Variants in POLQ observed in about 807,000 individuals in gnomAD.
POLQ encodes DNA polymerase theta.
Under a neutral mutation model 259.2 loss-of-function variants are expected in POLQ, and 233 were observed. The observed-to-expected ratio is 0.90, with a 90% CI of 0.81 to 1.00. The LOEUF (loss-of-function observed/expected upper bound fraction) is 1.00, where lower values mean the gene tolerates loss of function less well. POLQ is among the 50% of genes least tolerant of loss of function. The probability of loss-of-function intolerance (pLI) is 0.00; values close to 1 mark genes in which losing one functional copy is unlikely to be tolerated. For synonymous variants in POLQ, 1,025 were observed against 1,048.8 expected (o/e 0.98, Z 0.44); for missense variants, 2,871 against 3,051.6 (o/e 0.94, Z 1.39).
At chr3:121,472,886 A>G (rs571907999) in intron 21 of POLQ, among the ~76,000 whole-genome samples, 2 of 152,320 alleles carry the variant, frequency 1.3e-5, no homozygotes, top group South Asian at 2.1e-4. Context: ...TACAGTTTCC[A>G]TGGATTATGA....
rs1467887860 is a variant in POLQ, at chr3:121,483,539, C to T, written c.5817G>A (p.Leu1939=). 1.3e-6 allele frequency: 2 copies of T among 1,581,642 alleles called. No individual in the cohort carries two copies. Among genetic ancestry groups the T allele is most frequent in the Non-Finnish European group, 1.7e-6 (2 of 1,168,056 alleles). Residue 1939 remains leucine, a synonymous_variant, in exon 18 of 30, where the codon CTG becomes CTA. Transcript: ENST00000264233. ...GGTACCACATCCTGTCTTTCAAAGT[C>T]AGGCTTGGATCTAAAGAAGGTGGAA... The part of the protein sequence containing the change: ...SLVPPSLDPS[L]TLKDRMWYLQ...
chr3:121,496,341 A>T (rs2048124280), intron 14 of POLQ, among the ~76,000 whole-genome samples: 1 of 151,816 alleles, frequency 6.6e-6, no homozygotes, highest in African/African-American at 2.4e-5. Flanking sequence ...ACACCTGGCT[A>T]ATTTTTTGTA....
intron 24 of POLQ, among the ~76,000 whole-genome samples, chr3:121,466,065 C>T (rs996694939): frequency 2.6e-5 from 4 of 152,096 alleles, no homozygotes; most frequent in Non-Finnish European, 1.5e-5. Context: ...AGTGTTACTA[C>T]GCTGAACACA....
intron 19 of POLQ, among the ~76,000 whole-genome samples, chr3:121,477,442 T>C (rs2108792591): frequency 6.6e-6 from 1 of 152,302 alleles, no homozygotes; most frequent in South Asian, 2.1e-4. Flanking sequence ...AGATATCTCA[T>C]TATATATATG....
At chr3:121,516,997 G>A (rs887615337) in intron 9 of POLQ, among the ~76,000 whole-genome samples, 1 of 152,092 alleles carries the variant, frequency 6.6e-6, no homozygotes, top group Non-Finnish European at 1.5e-5. Flanking sequence ...ATTAGCCCAG[G>A]GCACTAACCT....
At chr3:121,440,167 C>G (rs1170235630) in intron 26 of POLQ, 51 bp from the exon 27 acceptor site, 1 of 1,442,210 alleles carries the variant, frequency 6.9e-7, no homozygotes, top group Non-Finnish European at 9.7e-7. Flanking sequence ...CTATCCTTCA[C>G]TTCATTCACT....
rs189468665 is a variant in POLQ at position 121,432,266 on chromosome 3, G to A, written c.*38C>T. The A allele has an allele frequency of 3.0e-4, 464 of 1,560,862 alleles. 1 individual carries two copies. The African/African-American group carries it at 6.1e-3, about 20-fold the overall frequency. On this transcript the variant is annotated 3_prime_UTR_variant, in exon 30 of 30. Coordinates refer to ENST00000264233, the MANE Select transcript of POLQ (RefSeq NM_199420.4). ...CTGTTCTTTCCAGGTGACTGCATCT[G>A]CACAGGCTTCCCTGGGAGGACTTCA...
intron 25 of POLQ, among the ~76,000 whole-genome samples, chr3:121,451,300 T>G (rs950981437): frequency 1.3e-5 from 2 of 152,246 alleles, no homozygotes; most frequent in Admixed American, 6.5e-5. Context: ...TCAAAGTTAT[T>G]CTCCGTCCAG....
chr3:121,465,865 G>A (rs1207404760), intron 24 of POLQ, among the ~76,000 whole-genome samples: 1 of 152,106 alleles, frequency 6.6e-6, no homozygotes, highest in Non-Finnish European at 1.5e-5. Flanking sequence ...ACCCTACAAT[G>A]GCAATGGCCT....
rs527974666 is a variant in POLQ, at chr3:121,465,090, CTTTTTTT to C, written c.6967+2422_6967+2428del. The stretch of plus-strand genomic sequence containing the variant: ...ACTGGAAATGTTTTTTTTCTTTTTT[CTTTTTTT>C]TTTTTTTGACATAGGGTCTTGCTTT... On this transcript the variant is annotated intron_variant, in intron 24 of 29. Coordinates refer to ENST00000264233, the MANE Select transcript of POLQ (RefSeq NM_199420.4). Among the ~76,000 whole-genome samples the C allele has an allele frequency of 9.9e-3, 1,400 of 141,074 alleles. 24 individuals are homozygous for C. Among genetic ancestry groups the C allele is most frequent in the African/African-American group, 0.034 (1,297 of 38,550 alleles). 92.6% of individuals were successfully genotyped at this position (141,074 alleles called of 152,430 possible). A position where few individuals can be genotyped will look rare whatever the true frequency, so the allele number is the denominator to read the frequency against.
intron 6 of POLQ, among the ~76,000 whole-genome samples, chr3:121,532,021 C>T (rs1309332849): frequency 6.6e-6 from 1 of 152,202 alleles, no homozygotes; most frequent in African/African-American, 2.4e-5. Flanking sequence ...CACCAATGTA[C>T]ATGAGTCAGT....
At position 121,507,916 on chromosome 3, in the gene POLQ, C is replaced by T. The variant is rs138000344; in HGVS notation, c.1959+1645G>A. Among the ~76,000 whole-genome samples the T allele has an allele frequency of 9.0e-3, 1,369 of 151,824 alleles. 19 individuals carry two copies. Among genetic ancestry groups the T allele is most frequent in the African/African-American group, 0.031 (1,295 of 41,374 alleles). Reference sequence around the variant, plus strand: ...TCACCAAGGCTGGAGCATGGTGGCACGATCATAGCTCACTATAACCTAGAA... The same window carrying T: ...TCACCAAGGCTGGAGCATGGTGGCATGATCATAGCTCACTATAACCTAGAA... On this transcript the variant is annotated intron_variant, in intron 12 of 29. Coordinates refer to ENST00000264233, the MANE Select transcript of POLQ (RefSeq NM_199420.4).
intron 19 of POLQ, among the ~76,000 whole-genome samples, chr3:121,481,265 C>T (rs1049421119): frequency 2.0e-5 from 3 of 152,220 alleles, no homozygotes; most frequent in African/African-American, 7.2e-5. Context: ...GGCCAGAAGT[C>T]AGCAAATTAT....
At chr3:121,498,172 T>C (rs1489008959) in intron 13 of POLQ, among the ~76,000 whole-genome samples, 2 of 151,922 alleles carry the variant, frequency 1.3e-5, no homozygotes, top group Non-Finnish European at 2.9e-5. Flanking sequence ...GAGCCAGGCA[T>C]GGTGGCACAT....
At chr3:121,455,471 T>C (rs531873346) in intron 25 of POLQ, among the ~76,000 whole-genome samples, 1,530 of 149,778 alleles carry the variant, frequency 0.01, 8 homozygotes, top group Non-Finnish European at 0.017. Context: ...ATCAACAAAA[T>C]TGATAGACTG....
intron 2 of POLQ, among the ~76,000 whole-genome samples, chr3:121,543,853 G>T (rs2048507987): frequency 1.3e-5 from 2 of 151,800 alleles, no homozygotes; most frequent in African/African-American, 4.8e-5. Flanking sequence ...CATGGCAGCG[G>T]GCATCTGTAA....
chr3:121,493,980 T>C, intron 14 of POLQ: 1 of 599,896 alleles, frequency 1.7e-6, no homozygotes, highest in Non-Finnish European at 2.9e-6. Flanking sequence ...ACATGAAAAC[T>C]GAGGCAGAGC....
At chr3:121,484,938 A>G in intron 17 of POLQ, 103 bp downstream of exon 17, 4 of 933,158 alleles carry the variant, frequency 4.3e-6, no homozygotes, top group East Asian at 2.7e-5. Context: ...CTAAAAATAA[A>G]TCCTAGGTAA....
intron 18 of POLQ, 53 bp from the exon 19 acceptor site, chr3:121,481,865 T>C: frequency 2.0e-6 from 3 of 1,494,348 alleles, no homozygotes; most frequent in East Asian, 2.3e-5. Flanking sequence ...AAGACACTTA[T>C]GTACCTCTAA....
Sources: allele counts gnomAD v4.1 joint callset (sites outside exome capture counted in the v4.1 genomes callset), GRCh38; gene constraint gnomAD v4.1.1; transcripts MANE v1.5; gene names NCBI Gene and HGNC (gene_info 2026-07-23, HGNC 2026-07-21).